DOCK3: variants seen among roughly 807,000 people sequenced by gnomAD.
DOCK3 encodes the protein dedicator of cytokinesis 3.
A neutral mutation model predicts 265.6 loss-of-function variants in DOCK3; 60 were observed. That is an observed-to-expected ratio of 0.23 (90% CI 0.18 to 0.28). The LOEUF (loss-of-function observed/expected upper bound fraction) is 0.28, where lower values mean the gene tolerates loss of function less well. Ranked by LOEUF, DOCK3 falls within the 10% of genes least tolerant of loss-of-function variation. The probability of loss-of-function intolerance (pLI) is 1.00; values close to 1 mark genes in which losing one functional copy is unlikely to be tolerated. For missense variants in DOCK3, 1,981 were observed against 2,594.3 expected, an observed-to-expected ratio of 0.76 and a Z score of 5.14; for synonymous variants, 881 against 938.0, an observed-to-expected ratio of 0.94 and a Z score of 1.11.
At chr3:51,221,860 C>G (rs925543920) in intron 14 of DOCK3, among the ~76,000 whole-genome samples, 3 of 152,186 alleles carry the variant, frequency 2.0e-5, no homozygotes, top group African/African-American at 7.2e-5. Context: ...ACTCCTACTT[C>G]TTGTAGAAAA....
chr3:50,839,713 C>T (rs1232372164), intron 2 of DOCK3, among the ~76,000 whole-genome samples: 1 of 35,752 alleles, frequency 2.8e-5, no homozygotes, highest in Non-Finnish European at 4.9e-5. Flanking sequence ...CCTCCCCTCC[C>T]CTCCTCTCCC....
At chr3:51,229,480 AG>A in intron 18 of DOCK3, 31 bp from the exon 19 acceptor site, 1 of 1,480,192 alleles carries the variant, frequency 6.8e-7, no homozygotes, top group South Asian at 1.3e-5. Flanking sequence ...CCAGGTTTCA[AG>A]GGTTCCTCAT....
chr3:51,160,823 T>G (rs2086090192), intron 12 of DOCK3, 121 bp downstream of exon 12: 17 of 1,258,854 alleles, frequency 1.4e-5, no homozygotes, highest in Non-Finnish European at 1.7e-5. Context: ...ACGCCTGTAT[T>G]CCCAACACTT....
At chr3:51,049,823 A>ACACG (rs1302490930) in intron 5 of DOCK3, among the ~76,000 whole-genome samples, 1 of 119,770 alleles carries the variant, frequency 8.3e-6, no homozygotes, top group Non-Finnish European at 1.8e-5. Flanking sequence ...ACACACACAC[A>ACACG]CACACCCCAA....
intron 1 of DOCK3, among the ~76,000 whole-genome samples, chr3:50,744,277 TAA>T (rs1234281281): frequency 6.6e-6 from 1 of 152,234 alleles, no homozygotes; most frequent in Non-Finnish European, 1.5e-5. Flanking sequence ...TTAATTTTGA[TAA>T]AGTCTAATTC....
intron 5 of DOCK3, among the ~76,000 whole-genome samples, chr3:51,026,109 G>A (rs551692404): frequency 6.6e-5 from 10 of 152,136 alleles, no homozygotes; most frequent in African/African-American, 2.2e-4. Flanking sequence ...CCAAGTGGGA[G>A]AGGCAAGCTA....
intron 12 of DOCK3, among the ~76,000 whole-genome samples, chr3:51,192,783 T>TA (rs2088028798): frequency 6.6e-6 from 1 of 152,046 alleles, no homozygotes; most frequent in Admixed American, 6.5e-5. Flanking sequence ...TGCCCAGCCT[T>TA]GTGGTCATTC....
chr3:50,831,193 ATTTATTTATTT>A (rs1281057280), intron 2 of DOCK3, among the ~76,000 whole-genome samples: 6 of 11,774 alleles, frequency 5.1e-4, no homozygotes, highest in Non-Finnish European at 2.7e-3. Context: ...TGTTTTATTT[ATTTATTTATTT>A]ATTTATTTAT....
chr3:51,223,975 A>T (rs1474981570), intron 14 of DOCK3, among the ~76,000 whole-genome samples: 5 of 152,208 alleles, frequency 3.3e-5, no homozygotes, highest in Non-Finnish European at 5.9e-5. Flanking sequence ...AAGGAAGCGG[A>T]TTAAGATTCC....
intron 2 of DOCK3, among the ~76,000 whole-genome samples, chr3:50,801,110 T>C (rs2043045003): frequency 6.6e-6 from 1 of 152,188 alleles, no homozygotes. Flanking sequence ...CTGTTTTTTT[T>C]CTTCTCAGCA....
chr3:50,715,985 A>G (rs1049741241), intron 1 of DOCK3, among the ~76,000 whole-genome samples: 3 of 152,066 alleles, frequency 2.0e-5, no homozygotes, highest in Non-Finnish European at 4.4e-5. Context: ...ATTTATCCTG[A>G]TACACTAGGT....
chr3:50,830,190 T>C (rs1247375475), intron 2 of DOCK3, among the ~76,000 whole-genome samples: 1 of 152,210 alleles, frequency 6.6e-6, no homozygotes, highest in Non-Finnish European at 1.5e-5. Context: ...TATATTTTTA[T>C]TGATGCACCA....
At chr3:50,925,824 C>CTTTTTTTTTTTTTTTTTTTTTTTTTTTTT (rs368819970) in intron 4 of DOCK3, among the ~76,000 whole-genome samples, 1 of 88,424 alleles carries the variant, frequency 1.1e-5, no homozygotes, top group African/African-American at 5.2e-5. Flanking sequence ...TAAAACTAGT[C>CTTTTTTTTTTTTTTTTTTTTTTTTTTTTT]TTTTTTTTTT....
intron 7 of DOCK3, among the ~76,000 whole-genome samples, chr3:51,085,021 A>C (rs1229221848): frequency 6.6e-6 from 1 of 152,218 alleles, no homozygotes; most frequent in Non-Finnish European, 1.5e-5. Flanking sequence ...AAAGCATGCA[A>C]TAATAGCTAT....
At position 50,990,334 on chromosome 3, in the gene DOCK3, C is replaced by T. The variant is rs185544445; in HGVS notation, c.315+56257C>T. On this transcript the variant is annotated intron_variant, in intron 5 of 52. Transcript: ENST00000266037. ...CCTGCAAGTTTCTACACCAGATCAT[C>T]CCCAAGACACATCACGTAACTGTCA... 1.3e-3 allele frequency among the ~76,000 whole-genome samples: 205 copies of T among 152,216 alleles called. 1 individual carries two copies. The highest frequency in any genetic ancestry group is 1.1e-3 in the Non-Finnish European group (72 of 68,010).
At chr3:51,243,233 C>T (rs2108534280) in intron 21 of DOCK3, among the ~76,000 whole-genome samples, 1 of 152,222 alleles carries the variant, frequency 6.6e-6, no homozygotes, top group East Asian at 1.9e-4. Flanking sequence ...CATACCAAAC[C>T]CCCTGGGCTC....
intron 9 of DOCK3, among the ~76,000 whole-genome samples, chr3:51,133,410 A>G (rs927999422): frequency 6.8e-6 from 1 of 147,604 alleles, no homozygotes; most frequent in African/African-American, 2.5e-5. Context: ...GAGAACATGC[A>G]GTGTTTGGTT....
In DOCK3 at chr3:50,808,873, T is replaced by G. The variant is rs553819212; in HGVS notation, c.121+30115T>G. On this transcript the variant is annotated intron_variant, in intron 2 of 52. Coordinates refer to ENST00000266037, the MANE Select transcript of DOCK3 (RefSeq NM_004947.5). ...CTATGCCAATTGAAATTGAAAATGA[T>G]GGCCTATCCAGTAAATGATACTGGA... is the stretch of plus-strand genomic sequence containing the variant. 2.6e-5 allele frequency among the ~76,000 whole-genome samples: 4 copies of G among 152,350 alleles called. No homozygotes were observed. The South Asian group carries it at 8.3e-4, about 32-fold the overall frequency.
intron 4 of DOCK3, among the ~76,000 whole-genome samples, chr3:50,914,541 T>C (rs993424110): frequency 1.3e-5 from 2 of 152,184 alleles, no homozygotes; most frequent in Non-Finnish European, 2.9e-5. Context: ...AGTTTTATTG[T>C]GGTCAGAAAA....
Sources: allele counts gnomAD v4.1 joint callset (sites outside exome capture counted in the v4.1 genomes callset), GRCh38; gene constraint gnomAD v4.1.1; transcripts MANE v1.5; gene names NCBI Gene and HGNC (gene_info 2026-07-23, HGNC 2026-07-21).